The following NUDCD1 variants were observed in gnomAD, a reference collection of about 807,000 sequenced individuals.
NUDCD1 encodes NudC domain containing 1.
NUDCD1 carries 60 observed loss-of-function variants against 67.8 expected under a neutral mutation model. That is an observed-to-expected ratio of 0.88 (90% confidence interval 0.72 to 1.10). The LOEUF is 1.10. Among genes scored for constraint, NUDCD1 ranks in the 50% least tolerant of loss-of-function variants. The pLI is 0.00. For synonymous variants in NUDCD1, 244 were observed against 230.8 expected (o/e 1.06, Z -0.52); for missense variants, 643 against 695.0 (o/e 0.93, Z 0.84).
chr8:109,262,135 A>G (rs1175739799), intron 8 of NUDCD1, among the ~76,000 whole-genome samples: 1 of 152,224 alleles, frequency 6.6e-6, no homozygotes, highest in African/African-American at 2.4e-5. Context: ...ATACTTGTAT[A>G]TGTGGTTTTA....
At chr8:109,245,946 T>A (rs573865731) in intron 8 of NUDCD1, among the ~76,000 whole-genome samples, 73 of 152,216 alleles carry the variant, frequency 4.8e-4, no homozygotes, top group African/African-American at 1.7e-3. Context: ...CCACCTCCTG[T>A]CAGATCAGCA....
chr8:109,285,441 C>T (rs1252041875), intron 5 of NUDCD1, among the ~76,000 whole-genome samples: 1 of 152,124 alleles, frequency 6.6e-6, no homozygotes, highest in Non-Finnish European at 1.5e-5. Context: ...AATCCAACAG[C>T]ACATCAAAAA....
chr8:109,284,408 G>A (rs1474292885), intron 5 of NUDCD1, among the ~76,000 whole-genome samples: 1 of 151,824 alleles, frequency 6.6e-6, no homozygotes, highest in African/African-American at 2.4e-5. Context: ...AAAAAGTATG[G>A]ACTTAAATTT....
Position 109,242,020 on chromosome 8 carries a change from T to A in NUDCD1, c.*989A>T, listed in dbSNP as rs1275151799. On this transcript the variant is annotated 3_prime_UTR_variant, in exon 10 of 10. Coordinates refer to ENST00000239690, the MANE Select transcript of NUDCD1 (RefSeq NM_032869.4). ...TATAAACAGGATTATTTTGTTGAAGTTGTTAGAAAAATAAAGAGAGCCACA... is the reference window on the plus strand; with the variant it reads ...TATAAACAGGATTATTTTGTTGAAGATGTTAGAAAAATAAAGAGAGCCACA... 9 of 397,714 alleles carry A rather than the reference T, an allele frequency of 2.3e-5. No individual in the cohort carries two copies. Among genetic ancestry groups the A allele is most frequent in the Non-Finnish European group, 4.0e-5 (9 of 225,506 alleles). The allele number at this position is 397,714 out of a possible 1,614,324, so 24.6% of individuals were successfully genotyped here. A position where few individuals can be genotyped will look rare whatever the true frequency, so the allele number is the denominator to read the frequency against.
chr8:109,277,217 C>T (rs1330150113), intron 6 of NUDCD1, among the ~76,000 whole-genome samples: 1 of 152,146 alleles, frequency 6.6e-6, no homozygotes, highest in Non-Finnish European at 1.5e-5. Context: ...TTTAAACAGT[C>T]TGGCTCTAAG....
At chr8:109,278,848 T>C (rs753819667) in intron 6 of NUDCD1, among the ~76,000 whole-genome samples, 2 of 152,224 alleles carry the variant, frequency 1.3e-5, no homozygotes, top group Non-Finnish European at 2.9e-5. Context: ...TATGAATATA[T>C]GTTTGCAAAT....
At chr8:109,260,994 G>A (rs192198326) in intron 8 of NUDCD1, among the ~76,000 whole-genome samples, 33 of 152,310 alleles carry the variant, frequency 2.2e-4, no homozygotes, top group African/African-American at 7.7e-4. Flanking sequence ...TAAAAGTGGT[G>A]ACAGGTAACT....
intron 2 of NUDCD1, among the ~76,000 whole-genome samples, chr8:109,300,491 A>C (rs1814960823): frequency 6.6e-6 from 1 of 152,224 alleles, no homozygotes; most frequent in South Asian, 2.1e-4. Context: ...AACAAGTAGA[A>C]GAAAGAAATT....
At position 109,243,159 on chromosome 8, in the gene NUDCD1, CT is replaced by C; in HGVS notation, c.1601del (p.Lys534ArgfsTer6). 4.3e-6 allele frequency: 7 copies of C among 1,613,900 alleles called. No individual in the cohort carries two copies. Among genetic ancestry groups the C allele is most frequent in the Non-Finnish European group, 5.9e-6 (7 of 1,179,844 alleles). On this transcript the variant is annotated frameshift_variant, in exon 10 of 10. Transcript: ENST00000239690. LOFTEE classifies it high-confidence loss of function. Reference protein sequence around the residue: ...APMSTVLYNRKEGRQVGQVAK... With the variant: ...APMSTVLYNRXEGRQVGQVAK... ...CAACCTGTCCTACTTGCCTGCCTTCCTTTCTGTTGTAAAGTACAGTGGACAT... is the reference window on the plus strand; with the variant it reads ...CAACCTGTCCTACTTGCCTGCCTTCCTTCTGTTGTAAAGTACAGTGGACAT...
At chr8:109,266,802 A>C (rs1814012894) in intron 8 of NUDCD1, among the ~76,000 whole-genome samples, 1 of 152,074 alleles carries the variant, frequency 6.6e-6, no homozygotes, top group Non-Finnish European at 1.5e-5. Flanking sequence ...TTCAGTTCTG[A>C]TATTTAATAT....
intron 2 of NUDCD1, among the ~76,000 whole-genome samples, chr8:109,297,572 C>G (rs1206484213): frequency 6.6e-6 from 1 of 152,164 alleles, no homozygotes; most frequent in East Asian, 1.9e-4. Context: ...TGCCTCCTTT[C>G]TGGAGGATGC....
At chr8:109,246,198 A>G (rs1369893421) in intron 8 of NUDCD1, among the ~76,000 whole-genome samples, 4 of 152,200 alleles carry the variant, frequency 2.6e-5, no homozygotes, top group Admixed American at 6.5e-5. Context: ...TAAGCAGACT[A>G]TTTTTAGGCC....
Position 109,278,014 on chromosome 8 carries a change from G to C in NUDCD1, c.1029-2518C>G, listed in dbSNP as rs147928996. Among the ~76,000 whole-genome samples, 615 of 152,142 alleles carry C rather than the reference G, an allele frequency of 4.0e-3. 4 individuals are homozygous for C. The highest frequency in any genetic ancestry group is 0.014 in the African/African-American group (601 of 41,504). On this transcript the variant is annotated intron_variant, in intron 6 of 9. Transcript: ENST00000239690. ...CTATGAGCTAGATATATTTTTCTTG[G>C]ATGCTCATGATTTAGACTTGTATCA...
chr8:109,242,702 C>A lies in NUDCD1; in HGVS notation c.*307G>T. ...CACAATAAATATTTTTATTTTTAAA[C>A]ACTGAATTGTACATCTTTCATATAA... is the stretch of plus-strand genomic sequence containing the variant. On this transcript the variant is annotated 3_prime_UTR_variant, in exon 10 of 10. Transcript: ENST00000239690. 5.2e-6 allele frequency: 1 copy of A among 191,986 alleles called. No homozygotes were observed. The highest frequency in any genetic ancestry group is 1.1e-5 in the Non-Finnish European group (1 of 92,382). The allele number at this position is 191,986 out of a possible 1,614,324, so 11.9% of individuals were successfully genotyped here.
chr8:109,308,784 A>T (rs1272831363), intron 2 of NUDCD1, among the ~76,000 whole-genome samples: 3 of 152,130 alleles, frequency 2.0e-5, no homozygotes, highest in Non-Finnish European at 2.9e-5. Flanking sequence ...ATCCTGGCTA[A>T]CACAATGAAA....
At chr8:109,302,414 C>T (rs922611788) in intron 2 of NUDCD1, among the ~76,000 whole-genome samples, 1 of 152,028 alleles carries the variant, frequency 6.6e-6, no homozygotes, top group African/African-American at 2.4e-5. Flanking sequence ...CTTCAGTCTC[C>T]ACCCCAAGCT....
At chr8:109,266,389 CTAATTT>C (rs1813995520) in intron 8 of NUDCD1, among the ~76,000 whole-genome samples, 1 of 117,606 alleles carries the variant, frequency 8.5e-6, no homozygotes, top group South Asian at 3.0e-4. Context: ...CCATGCCCGG[CTAATTT>C]TTTTTTTTTT....
chr8:109,332,192 C>T (rs1284142610), intron 1 of NUDCD1, among the ~76,000 whole-genome samples: 1 of 152,018 alleles, frequency 6.6e-6, no homozygotes, highest in Non-Finnish European at 1.5e-5. Flanking sequence ...TTTAAAAGGC[C>T]GATAAGTACG....
chr8:109,320,297 C>CA (rs1815504324), intron 2 of NUDCD1, among the ~76,000 whole-genome samples: 1 of 152,008 alleles, frequency 6.6e-6, no homozygotes, highest in South Asian at 2.1e-4. Context: ...CCATAAGAGA[C>CA]GACCATGCCC....
Sources: allele counts gnomAD v4.1 joint callset (sites outside exome capture counted in the v4.1 genomes callset), GRCh38; gene constraint gnomAD v4.1.1; transcripts MANE v1.5; gene names NCBI Gene and HGNC (gene_info 2026-07-23, HGNC 2026-07-21).